ARK2N: variants seen among roughly 807,000 people sequenced by gnomAD.
ARK2N encodes protein ARK2N.
the ARK2N span, among the ~76,000 whole-genome samples, chr18:46,258,633 T>A: frequency 3.3e-5 from 5 of 152,310 alleles, no homozygotes; most frequent in African/African-American, 9.6e-5. Context: ...TTGTGTTTCA[T>A]ACCTGTCACC....
chr18:46,262,348 G>A, the ARK2N span, among the ~76,000 whole-genome samples: 37 of 152,260 alleles, frequency 2.4e-4, no homozygotes, highest in African/African-American at 7.9e-4. Context: ...AATTATAAGC[G>A]ATTCTGTTGA....
At chr18:46,183,632 T>C in the ARK2N span, among the ~76,000 whole-genome samples, 1 of 152,108 alleles carries the variant, frequency 6.6e-6, no homozygotes, top group East Asian at 1.9e-4. Flanking sequence ...CTTTTGAGGA[T>C]TAAGGGAAGG....
the ARK2N span, among the ~76,000 whole-genome samples, chr18:46,244,270 G>A: frequency 6.6e-6 from 1 of 152,164 alleles, no homozygotes; most frequent in Non-Finnish European, 1.5e-5. Context: ...GTCTTGGTGA[G>A]GAAGGCTTAT....
chr18:46,254,456 CTG>C, the ARK2N span, among the ~76,000 whole-genome samples: 1 of 152,178 alleles, frequency 6.6e-6, no homozygotes, highest in Non-Finnish European at 1.5e-5. Flanking sequence ...GGTCAGCAAA[CTG>C]TGGCCCATAG....
the ARK2N span, among the ~76,000 whole-genome samples, chr18:46,195,815 A>C: frequency 1.3e-5 from 2 of 151,904 alleles, no homozygotes; most frequent in Non-Finnish European, 2.9e-5. Flanking sequence ...ACCTCAAGTG[A>C]TCTACCTGCT....
At chr18:46,227,267 T>C in the ARK2N span, among the ~76,000 whole-genome samples, 1 of 152,194 alleles carries the variant, frequency 6.6e-6, no homozygotes, top group Non-Finnish European at 1.5e-5. Context: ...GAGTCGTATA[T>C]AAACAATCAA....
the ARK2N span, among the ~76,000 whole-genome samples, chr18:46,192,031 G>GT: frequency 6.6e-6 from 1 of 152,174 alleles, no homozygotes; most frequent in African/African-American, 2.4e-5. Context: ...GATGACCACA[G>GT]TTTATCCATT....
At chr18:46,202,609 G>A in the ARK2N span, among the ~76,000 whole-genome samples, 6 of 151,966 alleles carry the variant, frequency 3.9e-5, no homozygotes, top group Non-Finnish European at 5.9e-5. Flanking sequence ...CCAACGTAGC[G>A]AAACCCCGTC....
At chr18:46,193,679 A>G in the ARK2N span, among the ~76,000 whole-genome samples, 2 of 149,224 alleles carry the variant, frequency 1.3e-5, no homozygotes, top group Non-Finnish European at 3.0e-5. Context: ...GCTCACTGCA[A>G]CCTGCACTTC....
the ARK2N span, chr18:46,218,354 G>C: frequency 6.6e-6 from 1 of 152,110 alleles, no homozygotes; most frequent in Non-Finnish European, 1.5e-5. Context: ...CTATAGTTTG[G>C]TTTCTATTGT....
chr18:46,259,897 G>GTGTGTGTGTGTGTGTGTGTGTGTGTGTT, the ARK2N span, among the ~76,000 whole-genome samples: 1 of 137,206 alleles, frequency 7.3e-6, no homozygotes, highest in Non-Finnish European at 1.6e-5. Context: ...GTGTGTGTGT[G>GTGTGTGTGTGTGTGTGTGTGTGTGTGTT]TGCGACAGAG....
chr18:46,176,579 G>A, the ARK2N span, among the ~76,000 whole-genome samples: 1 of 151,194 alleles, frequency 6.6e-6, no homozygotes, highest in African/African-American at 2.4e-5. Flanking sequence ...CTCAGCCTCC[G>A]AAGTAGCTGA....
At chr18:46,258,201 C>T in the ARK2N span, among the ~76,000 whole-genome samples, 2 of 152,190 alleles carry the variant, frequency 1.3e-5, no homozygotes, top group Non-Finnish European at 2.9e-5. Flanking sequence ...GCTGGGATTA[C>T]AGGCGTGAGC....
chr18:46,203,291 T>C, the ARK2N span, among the ~76,000 whole-genome samples: 2 of 152,182 alleles, frequency 1.3e-5, no homozygotes, highest in African/African-American at 4.8e-5. Context: ...AGTTATACAG[T>C]GGAATACTTT....
At chr18:46,197,255 T>G in the ARK2N span, among the ~76,000 whole-genome samples, 1 of 151,280 alleles carries the variant, frequency 6.6e-6, no homozygotes, top group Non-Finnish European at 1.5e-5. Flanking sequence ...GTCCCTTTCT[T>G]TTTTTTTTGA....
the ARK2N span, among the ~76,000 whole-genome samples, chr18:46,202,290 G>A: frequency 6.6e-6 from 1 of 152,078 alleles, no homozygotes; most frequent in Admixed American, 6.6e-5. Context: ...ATTTCCTCAG[G>A]ATCTGATTGC....
the ARK2N span, among the ~76,000 whole-genome samples, chr18:46,259,430 G>A: frequency 1.3e-5 from 2 of 151,834 alleles, no homozygotes; most frequent in Admixed American, 1.3e-4. Flanking sequence ...TTTTAGTAGA[G>A]ACGGGGTTTC....
the ARK2N span, among the ~76,000 whole-genome samples, chr18:46,229,859 C>A: frequency 6.6e-6 from 1 of 152,166 alleles, no homozygotes; most frequent in Non-Finnish European, 1.5e-5. Flanking sequence ...CAGCCTCGGC[C>A]TCCCAAAGTG....
At chr18:46,224,750 A>G in the ARK2N span, among the ~76,000 whole-genome samples, 2 of 152,200 alleles carry the variant, frequency 1.3e-5, no homozygotes, top group Non-Finnish European at 2.9e-5. Flanking sequence ...AATGTTAGTC[A>G]TTTTATTTTT....
Sources: allele counts gnomAD v4.1 joint callset (sites outside exome capture counted in the v4.1 genomes callset), GRCh38; gene constraint gnomAD v4.1.1; transcripts MANE v1.5; gene names NCBI Gene and HGNC (gene_info 2026-07-23, HGNC 2026-07-21).